Variants in DTNB observed in about 807,000 individuals in gnomAD.
DTNB encodes DTN-B.
A neutral mutation model predicts 90.7 loss-of-function variants in DTNB; 63 were observed. The ratio of observed to expected loss-of-function variants is 0.69; its 90% CI spans 0.57 to 0.86. The LOEUF is 0.86. Among genes scored for constraint, DTNB ranks in the 40% least tolerant of loss-of-function variants. The pLI, the probability that DTNB is intolerant of heterozygous loss-of-function variation, is 0.00. For missense variants in DTNB, 744 were observed against 807.1 expected, an observed-to-expected ratio of 0.92 and a Z score of 0.95; for synonymous variants, 277 against 286.7, an observed-to-expected ratio of 0.97 and a Z score of 0.34.
chr2:25,476,049 C>T (rs1245567339), intron 10 of DTNB, among the ~76,000 whole-genome samples: 1 of 151,104 alleles, frequency 6.6e-6, no homozygotes, highest in Non-Finnish European at 1.5e-5. Context: ...TCCTGCAGCC[C>T]CTGGATCAAG....
At chr2:25,562,203 TCTGA>T (rs1192318374) in intron 8 of DTNB, among the ~76,000 whole-genome samples, 4 of 152,248 alleles carry the variant, frequency 2.6e-5, no homozygotes, top group Admixed American at 1.3e-4. Context: ...ACATTTTGTG[TCTGA>T]CTTTTTCACT....
chr2:25,596,111 G>A lies in DTNB; in HGVS notation c.578C>T (p.Ser193Leu). ...EGPSFGYTEH[S>L]VRTCFPQQRK... The stretch of plus-strand genomic sequence containing the variant: ...CTGCTGTGGAAAACAGGTGCGGACT[G>A]AGTGCTCTGTGTAACCAAAAGATGG... Residue 193 changes from serine to leucine, a missense_variant, in exon 6 of 21, where the codon TCA becomes TTA. Ser to Leu is a moderately radical substitution (Grantham distance 145). Coordinates refer to ENST00000406818, the MANE Select transcript of DTNB (RefSeq NM_021907.5). 1 of 1,612,422 alleles carries A rather than the reference G, an allele frequency of 6.2e-7. No homozygotes were observed.
At chr2:25,587,833 C>A (rs185787982) in intron 6 of DTNB, among the ~76,000 whole-genome samples, 87 of 152,238 alleles carry the variant, frequency 5.7e-4, no homozygotes, top group African/African-American at 1.9e-3. Context: ...CATAATAAAA[C>A]CCATTCTACA....
In DTNB at chr2:25,415,069, G is replaced by A. The variant is rs546978284; in HGVS notation, c.1575+4446C>T. Among the ~76,000 whole-genome samples, 33 of 152,220 alleles carry A rather than the reference G, an allele frequency of 2.2e-4. No individual in the cohort carries two copies. In the South Asian group the frequency reaches 6.2e-3, roughly 29 times the overall value. Reference sequence around the variant, plus strand: ...GAATCAGTGGAGGTACTGATGCCACGCAAAGCACCACAAAAGTGGCTGAGG... The same window carrying A: ...GAATCAGTGGAGGTACTGATGCCACACAAAGCACCACAAAAGTGGCTGAGG... On this transcript the variant is annotated intron_variant, in intron 16 of 20. Transcript: ENST00000406818.
At chr2:25,452,952 A>G (rs2059493906) in intron 11 of DTNB, among the ~76,000 whole-genome samples, 1 of 152,098 alleles carries the variant, frequency 6.6e-6, no homozygotes, top group Admixed American at 6.5e-5. Context: ...CGGCTTTAAT[A>G]TTTTAGGGTC....
chr2:25,627,281 G>A lies in DTNB; in HGVS notation c.362+890C>T, dbSNP rs183286995. ...TACAAAATTAGCTGGGCGTGGTGGC[G>A]CATGTCTGTAATCCCAGCTACTTGG... On this transcript the variant is annotated intron_variant, in intron 4 of 20. Coordinates refer to ENST00000406818, the MANE Select transcript of DTNB (RefSeq NM_021907.5). 5.1e-3 allele frequency among the ~76,000 whole-genome samples: 783 copies of A among 152,114 alleles called. 3 individuals are homozygous for A. Among genetic ancestry groups the A allele is most frequent in the Non-Finnish European group, 8.3e-3 (562 of 68,008 alleles).
chr2:25,480,932 G>A (rs1270679158), intron 10 of DTNB, among the ~76,000 whole-genome samples: 1 of 152,078 alleles, frequency 6.6e-6, no homozygotes, highest in African/African-American at 2.4e-5. Context: ...CTTTGTATTC[G>A]TCCATAAAAA....
chr2:25,559,713 C>T (rs1264447750), intron 8 of DTNB, among the ~76,000 whole-genome samples: 1 of 152,162 alleles, frequency 6.6e-6, no homozygotes, highest in Non-Finnish European at 1.5e-5. Context: ...CCTTCTATGA[C>T]AAAATTAACT....
chr2:25,547,056 C>T (rs2082582636), intron 8 of DTNB, among the ~76,000 whole-genome samples: 1 of 152,000 alleles, frequency 6.6e-6, no homozygotes, highest in South Asian at 2.1e-4. Flanking sequence ...GCTACATTGC[C>T]CAGGCTGGTC....
intron 9 of DTNB, 69 bp from the exon 10 acceptor site, chr2:25,482,942 G>T: frequency 6.8e-7 from 1 of 1,461,246 alleles, no homozygotes; most frequent in Non-Finnish European, 9.3e-7. Flanking sequence ...ACGACGATAA[G>T]CATGGTAAGA....
intron 8 of DTNB, among the ~76,000 whole-genome samples, chr2:25,545,100 C>A (rs1371124394): frequency 2.0e-5 from 3 of 152,204 alleles, no homozygotes; most frequent in African/African-American, 7.2e-5. Flanking sequence ...TGATTAATCT[C>A]ATCACATCTA....
rs59427907 is a variant in DTNB, at chr2:25,571,813, G to A, written c.876+5025C>T. On this transcript the variant is annotated intron_variant, in intron 8 of 20. Coordinates refer to ENST00000406818, the MANE Select transcript of DTNB (RefSeq NM_021907.5). The stretch of plus-strand genomic sequence containing the variant: ...TTTGGTCAATGTATATCGGCAGTGG[G>A]GGGTAAAGACAGAGGCACACCTGCT... Among the ~76,000 whole-genome samples, 3 of 152,046 alleles carry A rather than the reference G, an allele frequency of 2.0e-5. No individual in the cohort carries two copies. In the East Asian group the frequency reaches 5.8e-4, roughly 29 times the overall value.
chr2:25,596,273 T>C, intron 5 of DTNB, 33 bp from the exon 6 acceptor site: 1 of 1,563,838 alleles, frequency 6.4e-7, no homozygotes, highest in Non-Finnish European at 8.6e-7. Flanking sequence ...AGTCAAGCTA[T>C]AAGGAAATAT....
chr2:25,470,410 G>A (rs1386911430), intron 10 of DTNB, among the ~76,000 whole-genome samples: 3 of 127,050 alleles, frequency 2.4e-5, no homozygotes, highest in African/African-American at 9.1e-5. Flanking sequence ...GACTTGCTCT[G>A]TTGTGCCCAG....
At chr2:25,582,667 G>A (rs2061729088) in intron 6 of DTNB, among the ~76,000 whole-genome samples, 1 of 152,154 alleles carries the variant, frequency 6.6e-6, no homozygotes, top group African/African-American at 2.4e-5. Context: ...AGGGCTGACA[G>A]AATGATTGGC....
At chr2:25,457,105 G>T (rs1203199551) in intron 10 of DTNB, among the ~76,000 whole-genome samples, 1 of 152,002 alleles carries the variant, frequency 6.6e-6, no homozygotes, top group Non-Finnish European at 1.5e-5. Context: ...CGCCTCCCAA[G>T]TTCAAGTGAT....
chr2:25,423,586 G>A lies in DTNB; in HGVS notation c.1554+3949C>T, dbSNP rs1405725876. Among the ~76,000 whole-genome samples the A allele has an allele frequency of 3.9e-5, 6 of 152,142 alleles. No individual in the cohort carries two copies. In the East Asian group the frequency reaches 5.8e-4, roughly 15 times the overall value. On this transcript the variant is annotated intron_variant, in intron 15 of 20. Transcript: ENST00000406818. ...ATTGTCCATCTGACTAACTGCTTCC[G>A]ACTATTTTATGAGAGAATTAAATGC... is the stretch of plus-strand genomic sequence containing the variant.
intron 9 of DTNB, among the ~76,000 whole-genome samples, chr2:25,518,544 T>C (rs913241858): frequency 1.3e-5 from 2 of 151,844 alleles, no homozygotes; most frequent in African/African-American, 4.8e-5. Context: ...ATGTGTGAGT[T>C]TGTGAGTGCA....
intron 9 of DTNB, among the ~76,000 whole-genome samples, chr2:25,493,059 C>T (rs2067923374): frequency 6.6e-6 from 1 of 152,108 alleles, no homozygotes; most frequent in Non-Finnish European, 1.5e-5. Context: ...TTTCTTTTAG[C>T]TGTGGAGGTT....
Sources: gnomAD v4.1 joint callset for allele counts (sites outside exome capture counted in the v4.1 genomes callset) on GRCh38, gnomAD v4.1.1 for gene constraint, MANE v1.5 for transcripts, NCBI Gene and HGNC (gene_info 2026-07-23, HGNC 2026-07-21) for gene names.